CSGALNACT1: variants seen among roughly 807,000 people sequenced by gnomAD.
CSGALNACT1 encodes chondroitin sulfate N-acetylgalactosaminyltransferase 1.
Under a neutral mutation model 51.0 loss-of-function variants are expected in CSGALNACT1, and 52 were observed. The observed-to-expected ratio is 1.02, with a 90% CI of 0.82 to 1.29. CSGALNACT1 has a LOEUF of 1.29. CSGALNACT1 is among the 50% of genes most tolerant of loss of function. CSGALNACT1 has a pLI of 0.00. For synonymous variants in CSGALNACT1, 341 were observed against 254.4 expected, an observed-to-expected ratio of 1.34 and a Z score of -3.24; for missense variants, 935 against 679.2, an observed-to-expected ratio of 1.38 and a Z score of -4.19.
intron 3 of CSGALNACT1, among the ~76,000 whole-genome samples, chr8:19,586,718 A>C (rs1588714105): frequency 6.6e-6 from 1 of 152,212 alleles, no homozygotes; most frequent in East Asian, 1.9e-4. Context: ...GCTGGGTGGG[A>C]TATTGTACCT....
chr8:19,570,109 C>CTCT (rs1432706084), intron 3 of CSGALNACT1, among the ~76,000 whole-genome samples: 2 of 147,952 alleles, frequency 1.4e-5, no homozygotes, highest in African/African-American at 5.1e-5. Context: ...TTTTTTGGTT[C>CTCT]TAGAAGTGGT....
intron 4 of CSGALNACT1, among the ~76,000 whole-genome samples, chr8:19,483,781 T>C (rs757139724): frequency 6.6e-6 from 1 of 152,256 alleles, no homozygotes; most frequent in Non-Finnish European, 1.5e-5. Context: ...CAACCATGTC[T>C]GACGGCAAAT....
chr8:19,461,109 T>C (rs1285999775), intron 4 of CSGALNACT1, among the ~76,000 whole-genome samples: 1 of 152,334 alleles, frequency 6.6e-6, no homozygotes. Context: ...CCTGCTTGAC[T>C]GCCCTCAAAG....
At chr8:19,712,178 G>T (rs573834664) in intron 1 of CSGALNACT1, among the ~76,000 whole-genome samples, 1 of 151,980 alleles carries the variant, frequency 6.6e-6, no homozygotes, top group African/African-American at 2.4e-5. Context: ...GGTTCGCGCC[G>T]CCACGCCCGG....
chr8:19,536,793 G>A (rs767276142), intron 3 of CSGALNACT1, among the ~76,000 whole-genome samples: 1 of 152,202 alleles, frequency 6.6e-6, no homozygotes, highest in Admixed American at 6.5e-5. Context: ...ACTGGCAGAA[G>A]TAGTGGCAGA....
At chr8:19,614,510 C>T (rs191161308) in intron 1 of CSGALNACT1, among the ~76,000 whole-genome samples, 1 of 152,276 alleles carries the variant, frequency 6.6e-6, no homozygotes, top group East Asian at 1.9e-4. Context: ...GTACAATCAT[C>T]TTAAAGATAC....
chr8:19,714,661 T>C (rs919266878), intron 1 of CSGALNACT1, among the ~76,000 whole-genome samples: 3 of 152,182 alleles, frequency 2.0e-5, no homozygotes, highest in African/African-American at 7.2e-5. Context: ...CTTTAGCTTA[T>C]TAATCATAGT....
At chr8:19,517,746 A>T (rs2079848864) in intron 3 of CSGALNACT1, among the ~76,000 whole-genome samples, 1 of 152,140 alleles carries the variant, frequency 6.6e-6, no homozygotes. Flanking sequence ...AGACTTATTC[A>T]CTATCAGGAG....
chr8:19,482,798 T>A (rs80182430), intron 4 of CSGALNACT1, among the ~76,000 whole-genome samples: 1 of 152,136 alleles, frequency 6.6e-6, no homozygotes, highest in African/African-American at 2.4e-5. Flanking sequence ...TAGCTCCAAA[T>A]TTGATTTTTA....
chr8:19,438,460 C>T (rs2060759355), intron 6 of CSGALNACT1, among the ~76,000 whole-genome samples: 1 of 152,154 alleles, frequency 6.6e-6, no homozygotes, highest in African/African-American at 2.4e-5. Context: ...TCTATGTCAC[C>T]TGCATTTAGG....
intron 3 of CSGALNACT1, among the ~76,000 whole-genome samples, chr8:19,517,696 G>A (rs1391071792): frequency 1.3e-5 from 2 of 152,150 alleles, no homozygotes; most frequent in African/African-American, 2.4e-5. Context: ...TGAGAGCCAA[G>A]CCAAAGGGGT....
At chr8:19,505,030 T>C (rs1332200943) in intron 4 of CSGALNACT1, among the ~76,000 whole-genome samples, 171 bp downstream of exon 3, 1 of 152,118 alleles carries the variant, frequency 6.6e-6, no homozygotes, top group Non-Finnish European at 1.5e-5. Context: ...TGGAAACAGA[T>C]GTTTCTGAAA....
chr8:19,494,152 C>T (rs1004873299), intron 4 of CSGALNACT1, among the ~76,000 whole-genome samples: 1 of 152,160 alleles, frequency 6.6e-6, no homozygotes, highest in Non-Finnish European at 1.5e-5. Context: ...TATCACCTTG[C>T]CATGCCCTCT....
intron 1 of CSGALNACT1, among the ~76,000 whole-genome samples, chr8:19,619,190 G>A (rs2053484118): frequency 2.7e-5 from 4 of 147,106 alleles, no homozygotes; most frequent in African/African-American, 9.9e-5. Context: ...GGAAGGGCAG[G>A]TAGGAGTGCA....
chr8:19,551,818 A>G (rs1001085311), intron 3 of CSGALNACT1, among the ~76,000 whole-genome samples: 3 of 152,174 alleles, frequency 2.0e-5, no homozygotes, highest in Non-Finnish European at 2.9e-5. Flanking sequence ...AGGAATTTAT[A>G]TCTTATTTTT....
chr8:19,407,908 TG>T (rs2054640357), intron 9 of CSGALNACT1, among the ~76,000 whole-genome samples: 6 of 47,004 alleles, frequency 1.3e-4, no homozygotes, highest in African/African-American at 5.6e-4. Context: ...ATATGAATTG[TG>T]TGTGTGTGTG....
exon 10 of CSGALNACT1, chr8:19,404,744 T>C: frequency 4.4e-6 from 2 of 454,574 alleles, no homozygotes; most frequent in Non-Finnish European, 8.8e-6. Flanking sequence ...AAGCGGTCCC[T>C]ACTTCTGAGG....
At chr8:19,612,800 C>T (rs773219188) in intron 1 of CSGALNACT1, among the ~76,000 whole-genome samples, 9 of 151,828 alleles carry the variant, frequency 5.9e-5, no homozygotes, top group East Asian at 5.8e-4. Context: ...TAAAAACACA[C>T]CATTTTCTCT....
intron 6 of CSGALNACT1, among the ~76,000 whole-genome samples, chr8:19,436,604 C>T (rs2060414028): frequency 6.6e-6 from 1 of 152,100 alleles, no homozygotes. Context: ...TGTATAAGCT[C>T]ATATATAGAT....
Sources: allele counts gnomAD v4.1 joint callset (sites outside exome capture counted in the v4.1 genomes callset), GRCh38; gene constraint gnomAD v4.1.1; transcripts MANE v1.5; gene names NCBI Gene and HGNC (gene_info 2026-07-23, HGNC 2026-07-21).